STIL: variants seen among roughly 807,000 people sequenced by gnomAD.
STIL encodes SCL-interrupting locus protein.
In STIL, 55 loss-of-function variants were observed where a neutral mutation model predicts 110.1. That is an observed-to-expected ratio of 0.50 (90% CI 0.40 to 0.63). The LOEUF (loss-of-function observed/expected upper bound fraction) is 0.63. Ranked by LOEUF, STIL falls within the 20% of genes least tolerant of loss-of-function variation. The pLI is 0.00. For missense variants in STIL, 1,358 were observed against 1,530.0 expected (o/e 0.89, Z 1.87); for synonymous variants, 481 against 530.0 (o/e 0.91, Z 1.27).
At chr1:47,308,002 C>T (rs1646013891) in intron 2 of STIL, among the ~76,000 whole-genome samples, 1 of 152,182 alleles carries the variant, frequency 6.6e-6, no homozygotes, top group African/African-American at 2.4e-5. Flanking sequence ...GATCTGAAAA[C>T]CCTGTCTCCT....
chr1:47,252,625 T>TA (rs1161921802), intron 16 of STIL, among the ~76,000 whole-genome samples: 1 of 152,086 alleles, frequency 6.6e-6, no homozygotes, highest in East Asian at 1.9e-4. Flanking sequence ...TAATGTAAAG[T>TA]AAAACATAAA....
At chr1:47,263,248 C>T (rs1206686769) in intron 14 of STIL, 132 bp from the exon 15 acceptor site, 41 of 817,058 alleles carry the variant, frequency 5.0e-5, no homozygotes, top group Non-Finnish European at 7.6e-5. Flanking sequence ...GATGATGCTA[C>T]ATAAACACCC....
intron 11 of STIL, 149 bp downstream of exon 11, chr1:47,282,196 C>G: frequency 1.7e-6 from 1 of 593,858 alleles, no homozygotes; most frequent in South Asian, 1.9e-5. Flanking sequence ...ACTTATATCT[C>G]TATATATAGA....
Position 47,288,892 on chromosome 1 carries a change from CAAAAAAAA to C in STIL, c.1023+535_1023+542del, listed in dbSNP as rs138649605. 1.1e-4 allele frequency among the ~76,000 whole-genome samples: 10 copies of C among 94,770 alleles called. No homozygotes were observed. The South Asian group carries it at 2.4e-3, about 22-fold the overall frequency. The allele number at this position is 94,770 out of a possible 152,430, so 62.2% of individuals were successfully genotyped here. On this transcript the variant is annotated intron_variant, in intron 9 of 16. Transcript: ENST00000371877. ...TGAAACTCCCTCTCTAATGAAAATA[CAAAAAAAA>C]AAAAAAAAAAAAATAGCCAGGTGTG...
chr1:47,280,636 G>A lies in STIL; in HGVS notation c.1822C>T (p.His608Tyr), dbSNP rs1472015748. The change falls in exon 12 of 17, where the codon CAT (histidine) becomes TAT (tyrosine). Residue 608 changes from histidine (H) to tyrosine (Y), a missense_variant. His to Tyr is a moderately conservative substitution (Grantham distance 83). Coordinates refer to ENST00000371877, the MANE Select transcript of STIL (RefSeq NM_001048166.1). Reference sequence around the variant, plus strand: ...GGACTATATTGAATATGACTATGATGCTGACAACACCTGCAAACGTTTGTG... The same window carrying A: ...GGACTATATTGAATATGACTATGATACTGACAACACCTGCAAACGTTTGTG... ...CSTNVCRCCQHHSHIQYSPLN... is the reference protein window; with the variant it reads ...CSTNVCRCCQYHSHIQYSPLN... 6.2e-7 allele frequency: 1 copy of A among 1,614,236 alleles called. No homozygotes were observed. Among genetic ancestry groups the A allele is most frequent in the Non-Finnish European group, 8.5e-7 (1 of 1,180,040 alleles).
intron 12 of STIL, among the ~76,000 whole-genome samples, chr1:47,278,471 C>G (rs1477472615): frequency 6.6e-6 from 1 of 151,910 alleles, no homozygotes; most frequent in Admixed American, 6.6e-5. Context: ...AGACCACGGC[C>G]TGTGATCTAT....
At chr1:47,263,220 G>A (rs757108727) in intron 14 of STIL, 104 bp from the exon 15 acceptor site, 140 of 1,076,138 alleles carry the variant, frequency 1.3e-4, no homozygotes, top group Admixed American at 2.6e-4. Flanking sequence ...GCACCTGGTT[G>A]TATTTTTAGC....
At position 47,269,183 on chromosome 1, in the gene STIL, T is replaced by A. The variant is rs114361851; in HGVS notation, c.2615+452A>T. 5.8e-3 allele frequency among the ~76,000 whole-genome samples: 880 copies of A among 152,260 alleles called. 8 individuals are homozygous for A. Among genetic ancestry groups the A allele is most frequent in the African/African-American group, 0.02 (827 of 41,538 alleles). The stretch of plus-strand genomic sequence containing the variant: ...GCCTGAGCTTGTGTATTTTTGAAGT[T>A]TTCTTCCGATTTCTGATTCATCCAG... On this transcript the variant is annotated intron_variant, in intron 14 of 16. Transcript: ENST00000371877.
At chr1:47,269,088 CA>C (rs60406768) in intron 14 of STIL, among the ~76,000 whole-genome samples, 3,763 of 108,306 alleles carry the variant, frequency 0.035, 118 homozygotes, top group African/African-American at 0.098. Flanking sequence ...GGGACTCCGT[CA>C]AAAAAAAAAA....
chr1:47,291,328 T>G (rs989722636), intron 8 of STIL, among the ~76,000 whole-genome samples: 7 of 151,748 alleles, frequency 4.6e-5, no homozygotes, highest in Admixed American at 3.3e-4. Context: ...GCCATTGCAC[T>G]CCAGCCTGGG....
At chr1:47,288,279 C>G (rs961059683) in intron 9 of STIL, among the ~76,000 whole-genome samples, 3 of 151,416 alleles carry the variant, frequency 2.0e-5, no homozygotes, top group African/African-American at 7.3e-5. Context: ...ATAATGACAC[C>G]TAGTTTCAAA....
intron 12 of STIL, 132 bp from the exon 13 acceptor site, chr1:47,272,373 C>T: frequency 1.2e-6 from 1 of 862,916 alleles, no homozygotes; most frequent in Non-Finnish European, 1.9e-6. Flanking sequence ...CAAATTTCAA[C>T]TAGACCATAC....
chr1:47,292,968 A>C (rs573238570), intron 8 of STIL, among the ~76,000 whole-genome samples: 78 of 152,328 alleles, frequency 5.1e-4, no homozygotes, highest in African/African-American at 1.8e-3. Flanking sequence ...CTATTAAATG[A>C]GTTGAGGTTA....
In STIL at chr1:47,301,583, T is replaced by G; in HGVS notation, c.431A>C (p.Asp144Ala). 6.2e-7 allele frequency: 1 copy of G among 1,613,876 alleles called. No homozygotes were observed. Among genetic ancestry groups the G allele is most frequent in the South Asian group, 1.1e-5 (1 of 91,080 alleles). Residue 144 changes from aspartate (D) to alanine (A), a missense_variant, in exon 5 of 17, where the codon GAT (aspartate) becomes GCT (alanine). Asp to Ala is a moderately radical substitution (Grantham distance 126). Coordinates refer to ENST00000371877, the MANE Select transcript of STIL (RefSeq NM_001048166.1). ...CSREMIVHSV[D>A]DFSSALKALQ... is the part of the protein sequence containing the mutation. Reference sequence around the variant, plus strand: ...CACCTTTAAAGCTGAACTGAAGTCATCTACACTGTGAACTATCATTTCTCT... The same window carrying G: ...CACCTTTAAAGCTGAACTGAAGTCAGCTACACTGTGAACTATCATTTCTCT...
intron 8 of STIL, among the ~76,000 whole-genome samples, chr1:47,292,403 C>A (rs1645521411): frequency 6.6e-6 from 1 of 152,018 alleles, no homozygotes; most frequent in African/African-American, 2.4e-5. Context: ...GAAAAAAACA[C>A]TTTTAGAAAC....
chr1:47,296,182 A>G (rs1219159079), intron 6 of STIL, among the ~76,000 whole-genome samples: 1 of 152,198 alleles, frequency 6.6e-6, no homozygotes, highest in Non-Finnish European at 1.5e-5. Flanking sequence ...TTCAGAACCA[A>G]ATAGGTTTCC....
Position 47,310,313 on chromosome 1 carries a change from G to C in STIL, c.7C>G (p.Pro3Ala). 3 of 1,612,754 alleles carry C rather than the reference G, an allele frequency of 1.9e-6. No homozygotes were observed. The highest frequency in any genetic ancestry group is 2.5e-6 in the Non-Finnish European group (3 of 1,179,368). ...TGGGGCCGTGCAAAAGGATATATAGGCTCCATGATGTCTGGTGAATGATTT... is the reference window on the plus strand; with the variant it reads ...TGGGGCCGTGCAAAAGGATATATAGCCTCCATGATGTCTGGTGAATGATTT... ME[P>A]IYPFARPQMN... The change falls in exon 2 of 17, where the codon CCT becomes GCT. Residue 3 changes from proline (P) to alanine (A), a missense_variant. Transcript: ENST00000371877.
chr1:47,274,597 G>A (rs1409210619), intron 12 of STIL, among the ~76,000 whole-genome samples: 3 of 146,284 alleles, frequency 2.1e-5, no homozygotes, highest in Non-Finnish European at 3.0e-5. Flanking sequence ...GATTACAGGC[G>A]TGAGCCACCA....
intron 12 of STIL, among the ~76,000 whole-genome samples, chr1:47,276,618 G>A (rs978861203): frequency 6.6e-6 from 1 of 151,500 alleles, no homozygotes; most frequent in Admixed American, 6.6e-5. Flanking sequence ...GATCAGCCTG[G>A]CCAACATGGT....
Sources: gnomAD v4.1 joint callset for allele counts (sites outside exome capture counted in the v4.1 genomes callset) on GRCh38, gnomAD v4.1.1 for gene constraint, MANE v1.5 for transcripts, NCBI Gene and HGNC (gene_info 2026-07-23, HGNC 2026-07-21) for gene names.